The following VPS50 variants were observed in gnomAD, a reference collection of about 807,000 sequenced individuals.
VPS50 encodes the protein syndetin.
Under a neutral mutation model 139.7 loss-of-function variants are expected in VPS50, and 70 were observed. The ratio of observed to expected loss-of-function variants is 0.50; its 90% confidence interval spans 0.41 to 0.61. VPS50 has a LOEUF of 0.61. VPS50 is among the 20% of genes least tolerant of loss of function. The pLI is 0.00. For synonymous variants in VPS50, 365 were observed against 376.7 expected (o/e 0.97, Z 0.36); for missense variants, 921 against 1,133.7 (o/e 0.81, Z 2.69).
intron 11 of VPS50, 44 bp downstream of exon 11, chr7:93,272,777 T>C (rs1796047826): frequency 3.4e-6 from 3 of 887,832 alleles, no homozygotes; most frequent in Non-Finnish European, 5.4e-6. Flanking sequence ...AATCAGGAAT[T>C]TGTTGTCCTT....
chr7:93,260,816 C>T (rs538887128), intron 9 of VPS50, among the ~76,000 whole-genome samples: 1 of 152,266 alleles, frequency 6.6e-6, no homozygotes, highest in South Asian at 2.1e-4. Flanking sequence ...CTGCCTCATT[C>T]TCCAGAATAG....
At chr7:93,342,189 C>T (rs762963070) in intron 23 of VPS50, among the ~76,000 whole-genome samples, 2 of 152,176 alleles carry the variant, frequency 1.3e-5, no homozygotes, top group Non-Finnish European at 2.9e-5. Flanking sequence ...CAGGGAGTTC[C>T]CTTTCCTAGT....
At chr7:93,304,373 A>G (rs931066168) in intron 17 of VPS50, among the ~76,000 whole-genome samples, 1 of 151,704 alleles carries the variant, frequency 6.6e-6, no homozygotes, top group African/African-American at 2.4e-5. Context: ...CTCATATTGT[A>G]TAATAGCTTC....
intron 12 of VPS50, among the ~76,000 whole-genome samples, chr7:93,288,604 G>A (rs1303070335): frequency 6.6e-6 from 1 of 152,140 alleles, no homozygotes; most frequent in African/African-American, 2.4e-5. Flanking sequence ...ATGTATGAGA[G>A]TGCCTGTTTC....
intron 23 of VPS50, among the ~76,000 whole-genome samples, chr7:93,344,316 C>A (rs771151138): frequency 3.9e-5 from 6 of 152,136 alleles, no homozygotes; most frequent in Non-Finnish European, 8.8e-5. Context: ...TACAGGAGCA[C>A]CCAGATGCAT....
In VPS50 at chr7:93,335,868, A is replaced by C. The variant is rs1271842381; in HGVS notation, c.2058+1671A>C. 3.3e-5 allele frequency among the ~76,000 whole-genome samples: 5 copies of C among 152,318 alleles called. No homozygotes were observed. In the East Asian group the frequency reaches 9.6e-4, roughly 29 times the overall value. ...CTTGTGATCATCAAACTCCAGTTCTAGATTTGACCCTTAAGATGTGGATTT... is the reference window on the plus strand; with the variant it reads ...CTTGTGATCATCAAACTCCAGTTCTCGATTTGACCCTTAAGATGTGGATTT... On this transcript the variant is annotated intron_variant, in intron 22 of 27. Transcript: ENST00000305866.
At chr7:93,323,145 A>G (rs907976674) in intron 20 of VPS50, 11 of 152,132 alleles carry the variant, frequency 7.2e-5, no homozygotes, top group Non-Finnish European at 7.4e-5. Flanking sequence ...TACTTTTGCT[A>G]TATATGTATA....
intron 12 of VPS50, among the ~76,000 whole-genome samples, chr7:93,285,455 G>A (rs1157375221): frequency 1.3e-5 from 2 of 152,044 alleles, no homozygotes; most frequent in Non-Finnish European, 2.9e-5. Context: ...AAAAGCAAAA[G>A]ACTAGCAGCT....
At chr7:93,258,811 A>G (rs1795574689) in intron 8 of VPS50, among the ~76,000 whole-genome samples, 1 of 151,958 alleles carries the variant, frequency 6.6e-6, no homozygotes, top group Non-Finnish European at 1.5e-5. Flanking sequence ...TTTTCTGTCT[A>G]CTTCTGTCAT....
intron 20 of VPS50, among the ~76,000 whole-genome samples, chr7:93,316,860 C>G (rs1171602879): frequency 6.6e-6 from 1 of 152,136 alleles, no homozygotes; most frequent in African/African-American, 2.4e-5. Flanking sequence ...TCTATGAACT[C>G]AAAAGGTTAG....
At chr7:93,286,104 C>T (rs1362751117) in intron 12 of VPS50, among the ~76,000 whole-genome samples, 1 of 151,942 alleles carries the variant, frequency 6.6e-6, no homozygotes, top group Non-Finnish European at 1.5e-5. Flanking sequence ...TAAATTGAAG[C>T]TAATAGCTTT....
intron 20 of VPS50, among the ~76,000 whole-genome samples, chr7:93,315,234 G>A (rs1464579479): frequency 1.3e-5 from 2 of 151,928 alleles, no homozygotes; most frequent in Non-Finnish European, 2.9e-5. Context: ...ATCTTAGTAT[G>A]TGTGGATTTC....
chr7:93,271,331 A>T (rs1796003572), intron 10 of VPS50, 69 bp downstream of exon 10: 7 of 1,447,442 alleles, frequency 4.8e-6, no homozygotes, highest in Non-Finnish European at 5.4e-6. Context: ...CCTAGGTGCA[A>T]CATTGTGTTT....
chr7:93,277,150 C>T (rs1796181834), intron 12 of VPS50, among the ~76,000 whole-genome samples: 2 of 152,072 alleles, frequency 1.3e-5, no homozygotes. Flanking sequence ...AGGAATGAGA[C>T]TAGTAGAGTC....
intron 2 of VPS50, among the ~76,000 whole-genome samples, chr7:93,251,974 T>C (rs1166741126): frequency 6.6e-6 from 1 of 152,204 alleles, no homozygotes; most frequent in Non-Finnish European, 1.5e-5. Context: ...GATGCTGACA[T>C]TGGGTTTAGG....
chr7:93,322,687 T>G (rs1475652929), intron 20 of VPS50, among the ~76,000 whole-genome samples: 2 of 152,106 alleles, frequency 1.3e-5, no homozygotes, highest in Non-Finnish European at 2.9e-5. Flanking sequence ...TATTGGCTTA[T>G]TTGGAAATTA....
Position 93,261,677 on chromosome 7 carries a change from CAAA to C in VPS50, c.659+2065_659+2067del, listed in dbSNP as rs71107890. ...TGGGCCACAGAGCGAGACTCCGTCT[CAAA>C]AAAAAAAAAAAAAAAAAAAGAAATT... On this transcript the variant is annotated intron_variant, in intron 9 of 27. Transcript: ENST00000305866. 4.2e-4 allele frequency among the ~76,000 whole-genome samples: 26 copies of C among 62,186 alleles called. 1 individual carries two copies. The highest frequency in any genetic ancestry group is 1.4e-3 in the South Asian group (2 of 1,470). 40.8% of individuals were successfully genotyped at this position (62,186 alleles called of 152,430 possible). A position where few individuals can be genotyped will look rare whatever the true frequency, so the allele number is the denominator to read the frequency against.
intron 20 of VPS50, among the ~76,000 whole-genome samples, chr7:93,321,814 A>G (rs187856295): frequency 2.6e-5 from 4 of 152,268 alleles, no homozygotes; most frequent in African/African-American, 7.2e-5. Context: ...TTTGCATTCT[A>G]CCTCATTCTA....
intron 21 of VPS50, among the ~76,000 whole-genome samples, chr7:93,326,270 G>A (rs1254140847): frequency 7.6e-6 from 1 of 131,882 alleles, no homozygotes; most frequent in African/African-American, 2.9e-5. Context: ...ACACAGGAAG[G>A]GGAACATCAC....
Sources: allele counts gnomAD v4.1 joint callset (sites outside exome capture counted in the v4.1 genomes callset), GRCh38; gene constraint gnomAD v4.1.1; transcripts MANE v1.5; gene names NCBI Gene and HGNC (gene_info 2026-07-23, HGNC 2026-07-21).